The following TYK2 variants were observed in gnomAD, a reference collection of about 807,000 sequenced individuals.
The protein encoded by TYK2 is non-receptor tyrosine-protein kinase TYK2.
A neutral mutation model predicts 130.9 loss-of-function variants in TYK2; 65 were observed. The ratio of observed to expected loss-of-function variants is 0.50; its 90% CI spans 0.41 to 0.61. The LOEUF (loss-of-function observed/expected upper bound fraction) is 0.61, where lower values mean the gene tolerates loss of function less well. Among genes scored for constraint, TYK2 ranks in the 20% least tolerant of loss-of-function variants. TYK2 has a pLI of 0.00. For synonymous variants in TYK2, 647 were observed against 658.9 expected (o/e 0.98, Z 0.28); for missense variants, 1,378 against 1,610.7 (o/e 0.86, Z 2.47).
chr19:10,352,413 G>T (rs1453123754), intron 23 of TYK2, 21 bp downstream of exon 23: 2 of 1,512,286 alleles, frequency 1.3e-6, no homozygotes, highest in African/African-American at 1.4e-5. Context: ...CTCCCGGTGG[G>T]GCTGCGGGCC....
rs762898203 is a variant in TYK2 at position 10,353,680 on chromosome 19, G to A, written c.2909-34C>T. Reference sequence around the variant, plus strand: ...GAGAGGGGCGGCCCCGGTGGGGGACGATAGAGGGCGGGCCGGGGACCGCCT... The same window carrying A: ...GAGAGGGGCGGCCCCGGTGGGGGACAATAGAGGGCGGGCCGGGGACCGCCT... On this transcript the variant is annotated intron_variant, in intron 20 of 24. Transcript: ENST00000525621. This position sits in a 1 kb window ranked among gnomAD's most constrained non-coding sequence, Gnocchi z 6.9. 7.0e-6 allele frequency: 10 copies of A among 1,438,774 alleles called. No individual in the cohort carries two copies. In the East Asian group the frequency reaches 7.2e-5, roughly 10 times the overall value. 89.1% of individuals were successfully genotyped at this position (1,438,774 alleles called of 1,614,324 possible). A position where few individuals can be genotyped will look rare whatever the true frequency, so the allele number is the denominator to read the frequency against.
At chr19:10,362,482 G>C in intron 10 of TYK2, 26 bp from the exon 11 acceptor site, 1 of 1,575,790 alleles carries the variant, frequency 6.3e-7, no homozygotes, top group East Asian at 2.3e-5. Flanking sequence ...AGAGGTGGGA[G>C]CAGTAAGCAG....
At position 10,355,558 on chromosome 19, in the gene TYK2, C is replaced by T. The variant is rs879422415; in HGVS notation, c.2618-949G>A. Among the ~76,000 whole-genome samples the T allele has an allele frequency of 1.4e-3, 205 of 143,952 alleles. 1 individual carries two copies. The highest frequency in any genetic ancestry group is 2.3e-3 in the Non-Finnish European group (153 of 66,202). The allele number at this position is 143,952 out of a possible 152,430, so 94.4% of individuals were successfully genotyped here. A position where few individuals can be genotyped will look rare whatever the true frequency, so the allele number is the denominator to read the frequency against. On this transcript the variant is annotated intron_variant, in intron 18 of 24. Transcript: ENST00000525621. ...GGGAGGCTGAGGCAGGAGAATTGCT[C>T]GAACCCAGGAGGCGGAGGTTGCAGT...
chr19:10,378,126 G>C, intron 3 of TYK2, 88 bp downstream of exon 3: 1 of 1,321,016 alleles, frequency 7.6e-7, no homozygotes. Context: ...GGGTGGATGG[G>C]TGGGTGGGTG....
At chr19:10,357,222 C>G (rs1014216509) in intron 17 of TYK2, 46 of 475,424 alleles carry the variant, frequency 9.7e-5, no homozygotes, top group Non-Finnish European at 1.4e-4. Flanking sequence ...AACCCCATCT[C>G]TACAAAAAAT....
Position 10,353,389 on chromosome 19 carries a change from G to C in TYK2, c.3027+139C>G. ...TGTGGCCAAGCAAGCCAAACAGTTC[G>C]GAGGTCAGTGCAAGGACAAGACAGC... On this transcript the variant is annotated intron_variant, in intron 21 of 24. Transcript: ENST00000525621. The surrounding 1 kb of genome is among the most constrained non-coding windows in gnomAD (Gnocchi z 6.9). 3.1e-6 allele frequency: 2 copies of C among 653,136 alleles called. No homozygotes were observed. Among genetic ancestry groups the C allele is most frequent in the Non-Finnish European group, 5.0e-6 (2 of 397,850 alleles). The allele number at this position is 653,136 out of a possible 1,614,324, so 40.5% of individuals were successfully genotyped here.
In TYK2 at chr19:10,379,676, C is replaced by G. The variant is rs2145383506; in HGVS notation, c.-82G>C. 6.6e-6 allele frequency: 1 copy of G among 152,216 alleles called. No individual in the cohort carries two copies. The highest frequency in any genetic ancestry group is 1.9e-4 in the East Asian group (1 of 5,206). 9.4% of individuals were successfully genotyped at this position (152,216 alleles called of 1,614,324 possible). A position where few individuals can be genotyped will look rare whatever the true frequency, so the allele number is the denominator to read the frequency against. On this transcript the variant is annotated 5_prime_UTR_variant, in exon 2 of 25. Transcript: ENST00000525621. ...AGCAAGCCACTTAGCAATTCTGGGCCTCAGTTTCCCCATCTGGAAAAGGGA... is the reference window on the plus strand; with the variant it reads ...AGCAAGCCACTTAGCAATTCTGGGCGTCAGTTTCCCCATCTGGAAAAGGGA...
At chr19:10,378,069 G>GGT in intron 3 of TYK2, 145 bp downstream of exon 3, 1 of 797,664 alleles carries the variant, frequency 1.3e-6, no homozygotes, top group East Asian at 2.7e-5. Flanking sequence ...TGGATGGGTG[G>GGT]GTGGATGGGT....
At position 10,358,065 on chromosome 19, in the gene TYK2, C is replaced by G. The variant is rs761433536; in HGVS notation, c.2249G>C (p.Gly750Ala). 1.3e-5 allele frequency: 21 copies of G among 1,613,060 alleles called. No individual in the cohort carries two copies. Among genetic ancestry groups the G allele is most frequent in the Non-Finnish European group, 1.7e-5 (20 of 1,179,884 alleles). Reference sequence around the variant, plus strand: ...ACTCAGCTTGATGAAGGGGCTGGTGCCCTCTGCCAACCCCAGCCGGGCCAG... The same window carrying G: ...ACTCAGCTTGATGAAGGGGCTGGTGGCCTCTGCCAACCCCAGCCGGGCCAG... ...ILLARLGLAE[G>A]TSPFIKLSDP... is the part of the protein sequence containing the mutation. The change falls in exon 16 of 25, where the codon GGC becomes GCC. Residue 750 changes from glycine to alanine, a missense_variant. Physicochemically the swap from Gly to Ala is moderately conservative, Grantham distance 60 (BLOSUM62 0). Transcript: ENST00000525621.
chr19:10,352,688 G>C (rs183550065), intron 22 of TYK2, 137 bp from the exon 23 acceptor site: 11 of 714,512 alleles, frequency 1.5e-5, no homozygotes, highest in Admixed American at 2.7e-5. Context: ...CAGCCTGAGC[G>C]GGGTGATATG....
intron 12 of TYK2, 21 bp downstream of exon 12, chr19:10,362,057 G>A (rs752963966): frequency 2.2e-5 from 36 of 1,613,590 alleles, no homozygotes; most frequent in African/African-American, 1.2e-4. Context: ...CCCTTGCCCC[G>A]GGCCCCTTCC....
At position 10,356,683 on chromosome 19, in the gene TYK2, G is replaced by A. The variant is rs376003056; in HGVS notation, c.2502C>T (p.Pro834=). The stretch of plus-strand genomic sequence containing the variant: ...TGGCCAGCTGTGGGCAGGAGGGCTC[G>A]GGCAGCCGGTGCTGCCTCTGGTAGA... ...EHFYQRQHRL[P]EPSCPQLATL... Residue 834 remains proline, a synonymous_variant, in exon 18 of 25, where the codon CCC becomes CCT. Coordinates refer to ENST00000525621, the MANE Select transcript of TYK2 (RefSeq NM_003331.5). 5.3e-5 allele frequency: 86 copies of A among 1,611,166 alleles called. No individual in the cohort carries two copies. Among genetic ancestry groups the A allele is most frequent in the Middle Eastern group, 1.7e-4 (1 of 5,934 alleles).
intron 22 of TYK2, 136 bp downstream of exon 22, chr19:10,352,789 GC>G: frequency 8.4e-7 from 1 of 1,188,022 alleles, no homozygotes; most frequent in Non-Finnish European, 1.2e-6. Flanking sequence ...GCCTCCATAG[GC>G]CCCACCCCCG....
intron 18 of TYK2, among the ~76,000 whole-genome samples, chr19:10,355,063 G>GA (rs1438429026): frequency 2.6e-5 from 4 of 150,996 alleles, no homozygotes; most frequent in African/African-American, 7.3e-5. Context: ...GAAAGAAAAA[G>GA]AAAAAACAGA....
At chr19:10,365,099 T>C in intron 7 of TYK2, 51 bp from the exon 8 acceptor site, 1 of 1,532,226 alleles carries the variant, frequency 6.5e-7, no homozygotes, top group Non-Finnish European at 8.8e-7. Flanking sequence ...TGCCCGTTTA[T>C]ACCTCCTGCA....
intron 3 of TYK2, chr19:10,369,622 C>G: frequency 2.4e-6 from 1 of 415,388 alleles, no homozygotes. Flanking sequence ...TTCCTGCACC[C>G]TCCATGTCCT....
chr19:10,352,379 T>C, intron 23 of TYK2, 55 bp downstream of exon 23: 1 of 1,223,682 alleles, frequency 8.2e-7, no homozygotes, highest in Non-Finnish European at 1.2e-6. Flanking sequence ...GCCCAGCCTA[T>C]GCCTTTCTAA....
chr19:10,353,115 G>A lies in TYK2; in HGVS notation c.3028-17C>T. ...GGCCATGCCCTGGGGACGGGGCAGG[G>A]CTCGTGAGTTTCAGTGGGGCGGGGT... On this transcript the variant is annotated splice_polypyrimidine_tract_variant and intron_variant, in intron 21 of 24. Coordinates refer to ENST00000525621, the MANE Select transcript of TYK2 (RefSeq NM_003331.5). This position sits in a 1 kb window ranked among gnomAD's most constrained non-coding sequence, Gnocchi z 6.9. 1 of 1,500,350 alleles carries A rather than the reference G, an allele frequency of 6.7e-7. No individual in the cohort carries two copies. The highest frequency in any genetic ancestry group is 8.9e-7 in the Non-Finnish European group (1 of 1,121,956). 92.9% of individuals were successfully genotyped at this position (1,500,350 alleles called of 1,614,324 possible). A position where few individuals can be genotyped will look rare whatever the true frequency, so the allele number is the denominator to read the frequency against.
intron 3 of TYK2, among the ~76,000 whole-genome samples, chr19:10,369,593 C>T (rs145965998): frequency 3.5e-4 from 53 of 152,222 alleles, no homozygotes; most frequent in African/African-American, 1.2e-3. Context: ...CAAAACAGAT[C>T]GGTCACCAAG....
Sources: gnomAD v4.1 joint callset for allele counts (sites outside exome capture counted in the v4.1 genomes callset) on GRCh38, gnomAD v4.1.1 for gene constraint, Gnocchi (gnomAD v3.1) non-coding constraint, MANE v1.5 for transcripts, NCBI Gene and HGNC (gene_info 2026-07-23, HGNC 2026-07-21) for gene names.